A3GALT2: variants seen among roughly 807,000 people sequenced by gnomAD.
A3GALT2 encodes the protein alpha 1,3-galactosyltransferase 2, also known as alpha-1,3-galactosyltransferase 2.
A neutral mutation model predicts 16.6 loss-of-function variants in A3GALT2; 14 were observed. The ratio of observed to expected loss-of-function variants is 0.84; its 90% CI spans 0.56 to 1.32. The LOEUF (loss-of-function observed/expected upper bound fraction) is 1.32. Among genes scored for constraint, A3GALT2 ranks in the 40% most tolerant of loss-of-function variants. The pLI is 0.00. For synonymous variants in A3GALT2, 253 were observed against 218.0 expected (o/e 1.16, Z -1.42); for missense variants, 600 against 490.9 (o/e 1.22, Z -2.10).
Position 33,307,265 on chromosome 1 carries a change from G to A in A3GALT2, c.524C>T (p.Ala175Val), listed in dbSNP as rs766298498. 2 of 1,460,296 alleles carry A rather than the reference G, an allele frequency of 1.4e-6. No homozygotes were observed. Among genetic ancestry groups the A allele is most frequent in the South Asian group, 2.7e-5 (2 of 74,394 alleles). The allele number at this position is 1,460,296 out of a possible 1,614,324, so 90.5% of individuals were successfully genotyped here. The change falls in exon 5 of 5, where the codon GCG becomes GTG. Residue 175 changes from alanine to valine, a missense_variant. Transcript: ENST00000442999. ...CGCCGCGTGCAACGTGCGCATGCGC[G>A]CCATCGACACGTCTTGCCAGCGCCG... is the stretch of plus-strand genomic sequence containing the variant. Reference protein sequence around the residue: ...RERRWQDVSMARMRTLHAALG... With the variant: ...RERRWQDVSMVRMRTLHAALG...
At chr1:33,308,750 G>GTTTTTTTTTTTTTTT (rs56655319) in intron 4 of A3GALT2, among the ~76,000 whole-genome samples, 11 of 46,110 alleles carry the variant, frequency 2.4e-4, no homozygotes, top group East Asian at 4.9e-4. Flanking sequence ...TGTCAAAGTT[G>GTTTTTTTTTTTTTTT]TTTTTTTTTT....
At chr1:33,319,327 TCAGGGCAGCGCTCAGCAA>T (rs1646275138) in intron 1 of A3GALT2, among the ~76,000 whole-genome samples, 1 of 152,110 alleles carries the variant, frequency 6.6e-6, no homozygotes. Context: ...ACACAATACC[TCAGGGCAGCGCTCAGCAA>T]GGGGGCTGGG....
intron 4 of A3GALT2, among the ~76,000 whole-genome samples, chr1:33,308,078 C>T (rs1312011454): frequency 1.2e-5 from 1 of 82,868 alleles, no homozygotes; most frequent in Non-Finnish European, 2.3e-5. Context: ...GCTGCCTGGT[C>T]CTCCCCACAC....
At position 33,307,191 on chromosome 1, in the gene A3GALT2, C is replaced by A; in HGVS notation, c.598G>T (p.Val200Leu). 3.2e-6 allele frequency: 5 copies of A among 1,544,336 alleles called. No homozygotes were observed. Among genetic ancestry groups the A allele is most frequent in the Non-Finnish European group, 4.4e-6 (5 of 1,148,864 alleles). ...REAHFMFCMD[V>L]DQHFSGTFGP... ...AAAGTGCCGCTGAAGTGCTGGTCCACGTCCATGCAGAACATGAAGTGCGCC... is the reference window on the plus strand; with the variant it reads ...AAAGTGCCGCTGAAGTGCTGGTCCAAGTCCATGCAGAACATGAAGTGCGCC... The change falls in exon 5 of 5, where the codon GTG becomes TTG. Residue 200 changes from valine to leucine, a missense_variant. Coordinates refer to ENST00000442999, the MANE Select transcript of A3GALT2 (RefSeq NM_001080438.1).
intron 4 of A3GALT2, among the ~76,000 whole-genome samples, chr1:33,308,750 G>GTTGTTTTTTT (rs1646216251): frequency 6.7e-4 from 31 of 46,126 alleles, no homozygotes; most frequent in Admixed American, 9.7e-4. Flanking sequence ...TGTCAAAGTT[G>GTTGTTTTTTT]TTTTTTTTTT....
intron 1 of A3GALT2, among the ~76,000 whole-genome samples, chr1:33,316,327 G>T (rs534015058): frequency 2.0e-5 from 3 of 152,196 alleles, no homozygotes; most frequent in African/African-American, 4.8e-5. Flanking sequence ...CCCAGGGCCC[G>T]CATGTCAGGC....
chr1:33,307,467 G>A lies in A3GALT2; in HGVS notation c.336-14C>T. ...TTCTCCAGGTATCTAAGGGCGCGGC[G>A]CCACCGTCAGCCTGAGAGTGAAGCG... On this transcript the variant is annotated splice_polypyrimidine_tract_variant and intron_variant, in intron 4 of 4. Transcript: ENST00000442999. 2.0e-6 allele frequency: 3 copies of A among 1,470,100 alleles called. No homozygotes were observed. Among genetic ancestry groups the A allele is most frequent in the Admixed American group, 2.5e-5 (1 of 39,470 alleles). 91.1% of individuals were successfully genotyped at this position (1,470,100 alleles called of 1,614,324 possible).
chr1:33,309,843 C>T (rs1195583808), intron 4 of A3GALT2, among the ~76,000 whole-genome samples: 1 of 151,912 alleles, frequency 6.6e-6, no homozygotes, highest in Non-Finnish European at 1.5e-5. Context: ...CAGAGGGGCT[C>T]CTCACATCCC....
chr1:33,316,786 G>C (rs1484514565), intron 1 of A3GALT2, among the ~76,000 whole-genome samples: 1 of 152,192 alleles, frequency 6.6e-6, no homozygotes, highest in Non-Finnish European at 1.5e-5. Context: ...TCAGGAGAAA[G>C]TTCTGGGATT....
At chr1:33,311,610 C>T (rs988442510) in intron 4 of A3GALT2, among the ~76,000 whole-genome samples, 7 of 152,190 alleles carry the variant, frequency 4.6e-5, no homozygotes, top group African/African-American at 1.7e-4. Context: ...TGCTTGGCAC[C>T]TGCCCCCACA....
At position 33,312,860 on chromosome 1, in the gene A3GALT2, G is replaced by T; in HGVS notation, c.54C>A (p.Ile18=). 2 of 1,607,070 alleles carry T rather than the reference G, an allele frequency of 1.2e-6. No individual in the cohort carries two copies. The highest frequency in any genetic ancestry group is 1.7e-6 in the Non-Finnish European group (2 of 1,176,936). The change falls in exon 2 of 5, where the codon ATC becomes ATA. Residue 18 remains isoleucine (I), a synonymous_variant. Coordinates refer to ENST00000442999, the MANE Select transcript of A3GALT2 (RefSeq NM_001080438.1). ...RAWKRIFWRQ[I]LLTLGLLGLF... is the part of the protein sequence containing the mutation. ...GGCCTAAGAGGCCAAGTGTAAGTAG[G>T]ATCTGCCGCCAGAAGATTCTCTTCC...
chr1:33,307,295 C>G lies in A3GALT2; in HGVS notation c.494G>C (p.Arg165Pro). 2 of 1,457,344 alleles carry G rather than the reference C, an allele frequency of 1.4e-6. No homozygotes were observed. Among genetic ancestry groups the G allele is most frequent in the Non-Finnish European group, 1.8e-6 (2 of 1,115,052 alleles). The allele number at this position is 1,457,344 out of a possible 1,614,324, so 90.3% of individuals were successfully genotyped here. A position where few individuals can be genotyped will look rare whatever the true frequency, so the allele number is the denominator to read the frequency against. ...CGACACGTCTTGCCAGCGCCGCTCG[C>G]GCGCCACGCGCTCCACGGGCAGCCG... ...GRRLPVERVA[R>P]ERRWQDVSMA... The change falls in exon 5 of 5, where the codon CGC becomes CCC. Residue 165 changes from arginine to proline, a missense_variant. By Grantham distance (103) the Arg-to-Pro change is moderately radical. Transcript: ENST00000442999.
rs373125922 is a variant in A3GALT2, at chr1:33,312,169, G to A, written c.218C>T (p.Thr73Ile). The A allele has an allele frequency of 5.3e-5, 86 of 1,613,366 alleles. No homozygotes were observed. Among genetic ancestry groups the A allele is most frequent in the Non-Finnish European group, 7.2e-5 (85 of 1,179,832 alleles). The change falls in exon 4 of 5, where the codon ACC becomes ATC. Residue 73 changes from threonine (T) to isoleucine (I), a missense_variant. Thr to Ile is a moderately conservative substitution (Grantham distance 89, BLOSUM62 -1). Transcript: ENST00000442999. Reference sequence around the variant, plus strand: ...AATGGGAGCCCCCCAGGGGGTACAGGTCAGAACTTCAGGCCGGGCCCTGGC... The same window carrying A: ...AATGGGAGCCCCCCAGGGGGTACAGATCAGAACTTCAGGCCGGGCCCTGGC... ...LRPWARPEVL[T>I]CTPWGAPIIW...
intron 4 of A3GALT2, among the ~76,000 whole-genome samples, chr1:33,309,116 A>G (rs1646219366): frequency 1.3e-5 from 2 of 152,056 alleles, no homozygotes; most frequent in African/African-American, 4.8e-5. Flanking sequence ...ATCCCAAGGC[A>G]GAAGAATTTT....
chr1:33,308,763 T>TTTG lies in A3GALT2; in HGVS notation c.336-1311_336-1310insCAA, dbSNP rs1557806845. On this transcript the variant is annotated intron_variant, in intron 4 of 4. Transcript: ENST00000442999. ...CATGTCAAAGTTGTTTTTTTTTTTT[T>TTTG]TTTTTTTTTTTTTTTTTAGTATTTA... Among the ~76,000 whole-genome samples the TTTG allele has an allele frequency of 1.0e-4, 12 of 116,660 alleles. No homozygotes were observed. In the East Asian group the frequency reaches 1.2e-3, roughly 12 times the overall value. 76.5% of individuals were successfully genotyped at this position (116,660 alleles called of 152,430 possible).
At position 33,307,138 on chromosome 1, in the gene A3GALT2, C is replaced by A. The variant is rs1312651090; in HGVS notation, c.651G>T (p.Val217=). ...GGTAGTGCCAGGAGTGCAGCTGCGC[C>A]ACCGACTCGGCCAGCGCCTCGGGCC... is the stretch of plus-strand genomic sequence containing the variant. The part of the protein sequence containing the change: ...TFGPEALAES[V]AQLHSWHYHW... Residue 217 remains valine, a synonymous_variant, in exon 5 of 5, where the codon GTG becomes GTT. Coordinates refer to ENST00000442999, the MANE Select transcript of A3GALT2 (RefSeq NM_001080438.1). 6 of 1,547,112 alleles carry A rather than the reference C, an allele frequency of 3.9e-6. No homozygotes were observed. Among genetic ancestry groups the A allele is most frequent in the Non-Finnish European group, 5.2e-6 (6 of 1,149,444 alleles).
intron 1 of A3GALT2, among the ~76,000 whole-genome samples, chr1:33,318,994 A>G (rs1411340219): frequency 6.6e-6 from 1 of 152,204 alleles, no homozygotes; most frequent in African/African-American, 2.4e-5. Flanking sequence ...CTTCAAGATT[A>G]AGTCTGCACT....
Position 33,306,989 on chromosome 1 carries a change from C to A in A3GALT2, c.800G>T (p.Gly267Val). Reference sequence around the variant, plus strand: ...GCCCCCCGCACAGTGCGCCGTCAGCCCGCGCAGCGCCGCCACGCTGCCCCC... The same window carrying A: ...GCCCCCCGCACAGTGCGCCGTCAGCACGCGCAGCGCCGCCACGCTGCCCCC... ...VFGGSVAALR[G>V]LTAHCAGGLD... Residue 267 changes from glycine to valine, a missense_variant, in exon 5 of 5, where the codon GGG becomes GTG. By Grantham distance (109) the Gly-to-Val change is moderately radical (BLOSUM62 -3). Coordinates refer to ENST00000442999, the MANE Select transcript of A3GALT2 (RefSeq NM_001080438.1). 6.8e-7 allele frequency: 1 copy of A among 1,462,354 alleles called. No homozygotes were observed. Among genetic ancestry groups the A allele is most frequent in the Non-Finnish European group, 9.0e-7 (1 of 1,114,364 alleles). The allele number at this position is 1,462,354 out of a possible 1,614,324, so 90.6% of individuals were successfully genotyped here. A position where few individuals can be genotyped will look rare whatever the true frequency, so the allele number is the denominator to read the frequency against.
Position 33,307,228 on chromosome 1 carries a change from C to A in A3GALT2, c.561G>T (p.Leu187=). ...ACATGAAGTGCGCCTCGCGGCCCGG[C>A]AGCCCGCCCAGCGCCGCGTGCAACG... ...MRTLHAALGG[L]PGREAHFMFC... The change falls in exon 5 of 5, where the codon CTG becomes CTT. Residue 187 remains leucine (L), a synonymous_variant. Coordinates refer to ENST00000442999, the MANE Select transcript of A3GALT2 (RefSeq NM_001080438.1). 1 of 1,492,544 alleles carries A rather than the reference C, an allele frequency of 6.7e-7. No homozygotes were observed. Among genetic ancestry groups the A allele is most frequent in the Non-Finnish European group, 8.9e-7 (1 of 1,121,864 alleles). 92.5% of individuals were successfully genotyped at this position (1,492,544 alleles called of 1,614,324 possible). A position where few individuals can be genotyped will look rare whatever the true frequency, so the allele number is the denominator to read the frequency against.
Sources: gnomAD v4.1 joint callset for allele counts (sites outside exome capture counted in the v4.1 genomes callset) on GRCh38, gnomAD v4.1.1 for gene constraint, MANE v1.5 for transcripts, NCBI Gene and HGNC (gene_info 2026-07-23, HGNC 2026-07-21) for gene names.